RAP1GDS1: variants seen among roughly 807,000 people sequenced by gnomAD.
RAP1GDS1 encodes Rap1 GTPase-GDP dissociation stimulator 1.
In RAP1GDS1, 35 loss-of-function variants were observed where a neutral mutation model predicts 71.1. That is an observed-to-expected ratio of 0.49 (90% CI 0.38 to 0.65). The LOEUF is 0.65. Ranked by LOEUF, RAP1GDS1 falls within the 30% of genes least tolerant of loss-of-function variation. The pLI, the probability that RAP1GDS1 is intolerant of heterozygous loss-of-function variation, is 0.00. For synonymous variants in RAP1GDS1, 229 were observed against 243.1 expected (o/e 0.94, Z 0.54); for missense variants, 663 against 706.1 (o/e 0.94, Z 0.69).
In RAP1GDS1 at chr4:98,307,553, G is replaced by A. The variant is rs1001288408; in HGVS notation, c.112+14038G>A. On this transcript the variant is annotated intron_variant, in intron 2 of 14. Transcript: ENST00000408927. ...ATTCTAATCTTCTTTTTATGTCTCA[G>A]TAAGATTAGGTAGTTTGGTTCATAT... Among the ~76,000 whole-genome samples the A allele has an allele frequency of 5.9e-5, 9 of 152,064 alleles. No homozygotes were observed. In the East Asian group the frequency reaches 1.7e-3, roughly 29 times the overall value.
intron 12 of RAP1GDS1, among the ~76,000 whole-genome samples, chr4:98,431,955 T>C (rs1471518931): frequency 6.6e-6 from 1 of 152,196 alleles, no homozygotes; most frequent in African/African-American, 2.4e-5. Flanking sequence ...AATTATACTT[T>C]AAGTTCTAGG....
At chr4:98,285,774 T>C (rs566016282) in intron 1 of RAP1GDS1, among the ~76,000 whole-genome samples, 1 of 148,280 alleles carries the variant, frequency 6.7e-6, no homozygotes, top group Non-Finnish European at 1.5e-5. Flanking sequence ...AATAATATAA[T>C]AATTATAATA....
At chr4:98,378,365 G>A (rs887988721) in intron 4 of RAP1GDS1, among the ~76,000 whole-genome samples, 1 of 151,750 alleles carries the variant, frequency 6.6e-6, no homozygotes, top group African/African-American at 2.4e-5. Context: ...AATTATATTG[G>A]TGTGCCCTAG....
At chr4:98,403,554 T>TA (rs1745724139) in intron 6 of RAP1GDS1, among the ~76,000 whole-genome samples, 2 of 152,300 alleles carry the variant, frequency 1.3e-5, no homozygotes, top group South Asian at 4.1e-4. Flanking sequence ...GCTAGAGAGA[T>TA]ACTCAAGTAG....
intron 13 of RAP1GDS1, among the ~76,000 whole-genome samples, chr4:98,436,369 T>C (rs1751140398): frequency 6.6e-6 from 1 of 152,210 alleles, no homozygotes; most frequent in Non-Finnish European, 1.5e-5. Context: ...GAGGAATTCC[T>C]CACACTTTAT....
chr4:98,273,700 T>G (rs889515477), intron 1 of RAP1GDS1, among the ~76,000 whole-genome samples: 5 of 152,214 alleles, frequency 3.3e-5, no homozygotes, highest in African/African-American at 1.2e-4. Context: ...ATGATCTTAA[T>G]GAGCATATTC....
At position 98,261,535 on chromosome 4, in the gene RAP1GDS1, C is replaced by T; in HGVS notation, c.-31C>T. The T allele has an allele frequency of 6.3e-7, 1 of 1,596,856 alleles. No individual in the cohort carries two copies. The highest frequency in any genetic ancestry group is 8.5e-7 in the Non-Finnish European group (1 of 1,170,328). On this transcript the variant is annotated 5_prime_UTR_variant, in exon 1 of 15. Transcript: ENST00000408927. ...GCCCGCACCACAGACCTTCGCCTCG[C>T]CCCGCCGGTTCCTCACCCTCGGGGA...
intron 1 of RAP1GDS1, among the ~76,000 whole-genome samples, chr4:98,283,133 T>G (rs1725426555): frequency 6.6e-6 from 1 of 152,218 alleles, no homozygotes; most frequent in Non-Finnish European, 1.5e-5. Context: ...AATTGAAGAT[T>G]CTTCAAGTAA....
At chr4:98,311,954 TA>T (rs1162542273) in intron 2 of RAP1GDS1, among the ~76,000 whole-genome samples, 2 of 152,102 alleles carry the variant, frequency 1.3e-5, no homozygotes. Flanking sequence ...TTTATGTTCT[TA>T]AAAACAATTA....
At chr4:98,272,383 A>G (rs1361000915) in intron 1 of RAP1GDS1, among the ~76,000 whole-genome samples, 2 of 152,162 alleles carry the variant, frequency 1.3e-5, no homozygotes, top group Admixed American at 6.6e-5. Flanking sequence ...TTGTGGAAGC[A>G]TTTTCCCTCC....
intron 2 of RAP1GDS1, among the ~76,000 whole-genome samples, chr4:98,323,258 G>T (rs1310053147): frequency 3.4e-5 from 5 of 147,498 alleles, no homozygotes; most frequent in South Asian, 2.2e-4. Flanking sequence ...AATAACAGGA[G>T]CTGAAATTGT....
chr4:98,437,496 A>G (rs1165737689), intron 14 of RAP1GDS1, among the ~76,000 whole-genome samples: 1 of 152,130 alleles, frequency 6.6e-6, no homozygotes, highest in Non-Finnish European at 1.5e-5. Flanking sequence ...ATATTAACTA[A>G]GGAATTTGTT....
chr4:98,345,598 G>C (rs1446791902), intron 3 of RAP1GDS1, among the ~76,000 whole-genome samples: 2 of 152,064 alleles, frequency 1.3e-5, no homozygotes, highest in East Asian at 3.9e-4. Context: ...TTTCAGAATT[G>C]GGCTCTCAAA....
At chr4:98,293,300 T>C in intron 1 of RAP1GDS1, 108 bp from the exon 2 acceptor site, 1 of 692,082 alleles carries the variant, frequency 1.4e-6, no homozygotes, top group South Asian at 2.2e-5. Context: ...GAGGTTAATT[T>C]GCTATTATAG....
chr4:98,262,960 G>C (rs1038491669), intron 1 of RAP1GDS1, among the ~76,000 whole-genome samples: 1 of 152,128 alleles, frequency 6.6e-6, no homozygotes, highest in East Asian at 1.9e-4. Context: ...TCTTTTTAAC[G>C]TGAGTACTCG....
chr4:98,324,641 G>A (rs1578442381), intron 2 of RAP1GDS1, among the ~76,000 whole-genome samples: 1 of 144,862 alleles, frequency 6.9e-6, no homozygotes, highest in East Asian at 2.0e-4. Flanking sequence ...TCTGATCTTT[G>A]ACAAACCTGA....
At chr4:98,394,689 C>G (rs1317519297) in intron 6 of RAP1GDS1, among the ~76,000 whole-genome samples, 1 of 152,032 alleles carries the variant, frequency 6.6e-6, no homozygotes, top group Admixed American at 6.5e-5. Flanking sequence ...GTTACGAACA[C>G]ATGAATATTG....
chr4:98,391,848 T>TTTGAG (rs1743726422), intron 5 of RAP1GDS1, 104 bp from the exon 6 acceptor site: 1 of 1,122,178 alleles, frequency 8.9e-7, no homozygotes, highest in African/African-American at 1.6e-5. Context: ...TTTAAATAAC[T>TTTGAG]TTGAGTTTCC....
At chr4:98,326,879 G>A (rs1231083200) in intron 2 of RAP1GDS1, among the ~76,000 whole-genome samples, 2 of 152,198 alleles carry the variant, frequency 1.3e-5, no homozygotes, top group African/African-American at 4.8e-5. Flanking sequence ...ATTGTGTGGT[G>A]TGTGCCTGTA....
Sources: allele counts gnomAD v4.1 joint callset (sites outside exome capture counted in the v4.1 genomes callset), GRCh38; gene constraint gnomAD v4.1.1; transcripts MANE v1.5; gene names NCBI Gene and HGNC (gene_info 2026-07-23, HGNC 2026-07-21).